Variants in PDE9A observed in about 807,000 individuals in gnomAD.
PDE9A encodes the protein phosphodiesterase 9A.
PDE9A carries 60 observed loss-of-function variants against 87.4 expected under a neutral mutation model. That is an observed-to-expected ratio of 0.69 (90% CI 0.56 to 0.85). The LOEUF is 0.85. PDE9A is among the 40% of genes least tolerant of loss of function. The pLI, the probability that PDE9A is intolerant of heterozygous loss-of-function variation, is 0.00. For missense variants in PDE9A, 665 were observed against 779.0 expected, an observed-to-expected ratio of 0.85 and a Z score of 1.74; for synonymous variants, 272 against 279.4, an observed-to-expected ratio of 0.97 and a Z score of 0.27.
Position 42,760,899 on chromosome 21 carries a change from C to T in PDE9A, c.1077C>T (p.Tyr359=), listed in dbSNP as rs2055682435. The T allele has an allele frequency of 1.9e-6, 3 of 1,604,306 alleles. No homozygotes were observed. The African/African-American group carries it at 4.0e-5, about 21-fold the overall frequency. The change falls in exon 13 of 20, where the codon TAC becomes TAT. Residue 359 remains tyrosine, a synonymous_variant. Coordinates refer to ENST00000291539, the MANE Select transcript of PDE9A (RefSeq NM_002606.3). The surrounding 1 kb of genome is among the most constrained non-coding windows in gnomAD (Gnocchi z 5.2). ...GCCACGATCTGGACCATCCCGGCTA[C>T]AACAACACGTATGTACAGGATTTTC... ...AICHDLDHPG[Y]NNTYQINART...
chr21:42,766,145 A>G (rs2056376777), intron 15 of PDE9A, among the ~76,000 whole-genome samples: 1 of 152,162 alleles, frequency 6.6e-6, no homozygotes, highest in South Asian at 2.1e-4. Flanking sequence ...TCTGAGCAAT[A>G]TTAGCAAGAC....
intron 1 of PDE9A, among the ~76,000 whole-genome samples, chr21:42,664,980 C>A (rs578201039): frequency 6.6e-6 from 1 of 152,370 alleles, no homozygotes; most frequent in African/African-American, 2.4e-5. Context: ...TATTTGCAGA[C>A]ATAATCACAT....
chr21:42,769,206 T>G (rs745604644), intron 17 of PDE9A, 51 bp downstream of exon 17: 1 of 1,567,860 alleles, frequency 6.4e-7, no homozygotes, highest in Non-Finnish European at 8.7e-7. Context: ...GATACATGCA[T>G]GCACACACAG....
intron 1 of PDE9A, among the ~76,000 whole-genome samples, chr21:42,685,865 G>A (rs2059432932): frequency 6.6e-6 from 1 of 152,210 alleles, no homozygotes; most frequent in Admixed American, 6.5e-5. Flanking sequence ...CCAAGCGACA[G>A]TGTTGACCCC....
At chr21:42,746,995 G>A (rs964136789) in intron 8 of PDE9A, among the ~76,000 whole-genome samples, 15 of 152,168 alleles carry the variant, frequency 9.9e-5, no homozygotes, top group African/African-American at 3.1e-4. Flanking sequence ...CTTCCAAAAC[G>A]GAACAGGGTA....
At chr21:42,677,738 G>A (rs1297995678) in intron 1 of PDE9A, among the ~76,000 whole-genome samples, 15 of 152,116 alleles carry the variant, frequency 9.9e-5, no homozygotes. Context: ...CACATCCCGG[G>A]TTCAAGTGAT....
chr21:42,716,048 A>T (rs1053981878), intron 4 of PDE9A, among the ~76,000 whole-genome samples: 2 of 151,932 alleles, frequency 1.3e-5, no homozygotes, highest in East Asian at 3.9e-4. Flanking sequence ...TGTCTTTAAG[A>T]TTCTTTTATG....
chr21:42,730,412 G>A (rs948110782), intron 4 of PDE9A, among the ~76,000 whole-genome samples: 4 of 152,056 alleles, frequency 2.6e-5, no homozygotes, highest in African/African-American at 7.2e-5. Context: ...GAGGTGTTGC[G>A]AAGTTAAACT....
chr21:42,735,331 G>C (rs2052287864), intron 7 of PDE9A, among the ~76,000 whole-genome samples: 1 of 152,196 alleles, frequency 6.6e-6, no homozygotes, highest in African/African-American at 2.4e-5. Context: ...GACAGAGCCA[G>C]GCCGCGCACC....
chr21:42,711,253 G>GT (rs2049309503), intron 4 of PDE9A, among the ~76,000 whole-genome samples: 2 of 136,462 alleles, frequency 1.5e-5, no homozygotes, highest in Admixed American at 7.3e-5. Context: ...TCTCTAATAA[G>GT]TTTTGTTTTT....
At position 42,739,920 on chromosome 21, in the gene PDE9A, G is replaced by A. The variant is rs2052926453; in HGVS notation, c.569-3856G>A. 6.6e-6 allele frequency among the ~76,000 whole-genome samples: 1 copy of A among 151,904 alleles called. No individual in the cohort carries two copies. Among genetic ancestry groups the A allele is most frequent in the Non-Finnish European group, 1.5e-5 (1 of 67,992 alleles). Reference sequence around the variant, plus strand: ...TATGATAAATAGCATTTTCCTCGGGGGATAAAAAGAAAAACGTGAGCTGCG... The same window carrying A: ...TATGATAAATAGCATTTTCCTCGGGAGATAAAAAGAAAAACGTGAGCTGCG... On this transcript the variant is annotated intron_variant, in intron 7 of 19. Coordinates refer to ENST00000291539, the MANE Select transcript of PDE9A (RefSeq NM_002606.3). The surrounding 1 kb of genome is among the most constrained non-coding windows in gnomAD (Gnocchi z 4.1).
At chr21:42,683,714 G>A (rs1394798441) in intron 1 of PDE9A, among the ~76,000 whole-genome samples, 2 of 152,156 alleles carry the variant, frequency 1.3e-5, no homozygotes, top group Non-Finnish European at 2.9e-5. Flanking sequence ...TTCCGTAATC[G>A]CCCTCCCCTC....
chr21:42,740,434 C>A (rs1241195979), intron 7 of PDE9A, among the ~76,000 whole-genome samples: 3 of 141,022 alleles, frequency 2.1e-5, no homozygotes, highest in African/African-American at 5.6e-5. Context: ...ACAGGGCAAG[C>A]CCCTGTCTCA....
At chr21:42,761,020 T>A in intron 13 of PDE9A, 113 bp downstream of exon 13, 1 of 732,828 alleles carries the variant, frequency 1.4e-6, no homozygotes, top group Non-Finnish European at 2.5e-6. Context: ...AACGACGGCC[T>A]CCCAGCCCCC....
intron 4 of PDE9A, chr21:42,700,723 A>G (rs563333677): frequency 3.3e-4 from 50 of 152,320 alleles, no homozygotes; most frequent in African/African-American, 1.1e-3. Flanking sequence ...CATTTGTTGA[A>G]AAGATGATCT....
At chr21:42,764,270 T>C (rs7282501) in intron 14 of PDE9A, among the ~76,000 whole-genome samples, 120,795 of 152,216 alleles carry the variant, frequency 0.79, 48,256 homozygotes, top group Non-Finnish European at 0.84. Flanking sequence ...ATTGAATCAC[T>C]GGTTCCCAGT....
chr21:42,715,473 A>T (rs145115457), intron 4 of PDE9A, among the ~76,000 whole-genome samples: 3,481 of 152,006 alleles, frequency 0.023, 128 homozygotes, highest in Non-Finnish European at 0.035. Context: ...CTAAAAATAT[A>T]AAAATTAGCC....
At chr21:42,699,458 T>C (rs1434892165) in intron 4 of PDE9A, among the ~76,000 whole-genome samples, 2 of 152,210 alleles carry the variant, frequency 1.3e-5, no homozygotes, top group East Asian at 3.9e-4. Flanking sequence ...CCCGCTCCAC[T>C]GTGAGTTGCC....
At chr21:42,687,073 T>A (rs2146187475) in intron 2 of PDE9A, among the ~76,000 whole-genome samples, 1 of 152,310 alleles carries the variant, frequency 6.6e-6, no homozygotes, top group South Asian at 2.1e-4. Flanking sequence ...CAACAGTGTG[T>A]TCGAGCCAGT....
Sources: allele counts gnomAD v4.1 joint callset (sites outside exome capture counted in the v4.1 genomes callset), GRCh38; gene constraint gnomAD v4.1.1; non-coding constraint Gnocchi (gnomAD v3.1); transcripts MANE v1.5; gene names NCBI Gene and HGNC (gene_info 2026-07-23, HGNC 2026-07-21).